The following GTF3C1 variants were observed in gnomAD, a reference collection of about 807,000 sequenced individuals.
The protein encoded by GTF3C1 is general transcription factor IIIC subunit 1, also known as general transcription factor 3C polypeptide 1.
A neutral mutation model predicts 226.7 loss-of-function variants in GTF3C1; 57 were observed. That is an observed-to-expected ratio of 0.25 (90% CI 0.20 to 0.31). The LOEUF is 0.31. Ranked by LOEUF, GTF3C1 falls within the 10% of genes least tolerant of loss-of-function variation. GTF3C1 has a pLI of 1.00. For synonymous variants in GTF3C1, 1,090 were observed against 1,084.8 expected, an observed-to-expected ratio of 1.00 and a Z score of -0.09; for missense variants, 2,217 against 2,776.1, an observed-to-expected ratio of 0.80 and a Z score of 4.53.
intron 12 of GTF3C1, among the ~76,000 whole-genome samples, chr16:27,499,329 T>C (rs957810373): frequency 2.0e-5 from 3 of 152,158 alleles, no homozygotes; most frequent in Admixed American, 1.3e-4. Context: ...AAAAACAGAC[T>C]GTGTGGAAGG....
intron 7 of GTF3C1, among the ~76,000 whole-genome samples, chr16:27,510,916 T>G (rs373948278): frequency 1.3e-5 from 2 of 152,254 alleles, no homozygotes; most frequent in East Asian, 3.8e-4. Context: ...CTTTGAATAA[T>G]AATAGTAATA....
At chr16:27,491,927 C>G (rs1226924629) in intron 19 of GTF3C1, among the ~76,000 whole-genome samples, 1 of 152,140 alleles carries the variant, frequency 6.6e-6, no homozygotes, top group Non-Finnish European at 1.5e-5. Flanking sequence ...GAATAAACAC[C>G]ACCCCAACCA....
chr16:27,495,488 G>T lies in GTF3C1; in HGVS notation c.2355C>A (p.Pro785=). 6.2e-7 allele frequency: 1 copy of T among 1,612,154 alleles called. No homozygotes were observed. The part of the protein sequence containing the change: ...PLRNYHPIVV[P]GLGRSLGFLP... The stretch of plus-strand genomic sequence containing the variant: ...GAAATCCTAGAGAACGCCCCAGTCC[G>T]GGAACTAAAGCAAGAGAGGGAGAGG... The change falls in exon 15 of 37, where the codon CCC becomes CCA. Residue 785 remains proline, a synonymous_variant. Coordinates refer to ENST00000356183, the MANE Select transcript of GTF3C1 (RefSeq NM_001520.4).
At position 27,465,265 on chromosome 16, in the gene GTF3C1, T is replaced by C; in HGVS notation, c.5350A>G (p.Ile1784Val). The change falls in exon 33 of 37, where the codon ATC (isoleucine) becomes GTC (valine). Residue 1784 changes from isoleucine (I) to valine (V), a missense_variant. This residue lies in a region of GTF3C1 where 455 missense variants were observed against 441.9 expected (regional missense o/e 1.03). Transcript: ENST00000356183. ...GGRTRTFADC[I>V]QALLEQHQVL... ...TAACCTAAAGCACAGCTCACCTGGATGCAATCTGCGAATGTCCTGGTGCGC... is the reference window on the plus strand; with the variant it reads ...TAACCTAAAGCACAGCTCACCTGGACGCAATCTGCGAATGTCCTGGTGCGC... The C allele has an allele frequency of 6.2e-7, 1 of 1,614,044 alleles. No homozygotes were observed. The highest frequency in any genetic ancestry group is 1.1e-5 in the South Asian group (1 of 91,084).
intron 29 of GTF3C1, among the ~76,000 whole-genome samples, chr16:27,472,142 C>T (rs561934875): frequency 3.3e-5 from 5 of 152,206 alleles, no homozygotes; most frequent in Admixed American, 6.5e-5. Flanking sequence ...CGGACCACCA[C>T]GTCACACTTC....
intron 32 of GTF3C1, among the ~76,000 whole-genome samples, chr16:27,468,181 A>G (rs1233144437): frequency 6.6e-6 from 1 of 152,234 alleles, no homozygotes; most frequent in East Asian, 1.9e-4. Context: ...AACTGCTGCA[A>G]TCTCAGGATC....
Position 27,484,433 on chromosome 16 carries a change from C to G in GTF3C1, c.3859-80G>C, listed in dbSNP as rs2088104110. ...TGGGGAATTACCATAAAAAAGTGGA[C>G]AAAATGTGTTTTGTGCAGCCTCCTT... On this transcript the variant is annotated intron_variant, in intron 24 of 36. Transcript: ENST00000356183. 5.9e-6 allele frequency: 6 copies of G among 1,017,006 alleles called. No homozygotes were observed. The Admixed American group carries it at 9.1e-5, about 15-fold the overall frequency. The allele number at this position is 1,017,006 out of a possible 1,614,324, so 63.0% of individuals were successfully genotyped here.
intron 14 of GTF3C1, 146 bp from the exon 15 acceptor site, chr16:27,495,638 T>A: frequency 1.4e-6 from 1 of 726,438 alleles, no homozygotes. Context: ...TACTTTCTAA[T>A]GGGCAAGAAC....
intron 6 of GTF3C1, among the ~76,000 whole-genome samples, chr16:27,527,531 T>C (rs1192107211): frequency 2.6e-5 from 4 of 152,194 alleles, no homozygotes; most frequent in South Asian, 2.1e-4. Context: ...GTTAACTTTC[T>C]TAGAAGGCTC....
chr16:27,465,607 G>T (rs1487648776), intron 32 of GTF3C1, 67 bp from the exon 33 acceptor site: 2 of 1,271,914 alleles, frequency 1.6e-6, no homozygotes, highest in Non-Finnish European at 1.1e-6. Context: ...CCAATGCACA[G>T]GCCACACCCA....
At position 27,462,162 on chromosome 16, in the gene GTF3C1, C is replaced by A. The variant is rs1744979490; in HGVS notation, c.6117+132G>T. The A allele has an allele frequency of 1.5e-6, 1 of 648,574 alleles. No homozygotes were observed. Among genetic ancestry groups the A allele is most frequent in the Non-Finnish European group, 2.7e-6 (1 of 370,770 alleles). The allele number at this position is 648,574 out of a possible 1,614,324, so 40.2% of individuals were successfully genotyped here. On this transcript the variant is annotated intron_variant, in intron 36 of 36. Coordinates refer to ENST00000356183, the MANE Select transcript of GTF3C1 (RefSeq NM_001520.4). The surrounding 1 kb of genome is among the most constrained non-coding windows in gnomAD (Gnocchi z 4.5). ...CAGCCTGAGAGGCAGGAGCCCAGGACAAGCTGGGGGAGGAGGTGCAGGCAA... is the reference window on the plus strand; with the variant it reads ...CAGCCTGAGAGGCAGGAGCCCAGGAAAAGCTGGGGGAGGAGGTGCAGGCAA...
intron 19 of GTF3C1, 131 bp from the exon 20 acceptor site, chr16:27,489,874 T>C: frequency 1.2e-6 from 1 of 804,560 alleles, no homozygotes; most frequent in Non-Finnish European, 2.0e-6. Flanking sequence ...ACTGCGGGGG[T>C]CTGAGATTGG....
At chr16:27,548,028 C>T (rs1336890660) in intron 1 of GTF3C1, among the ~76,000 whole-genome samples, 1 of 152,144 alleles carries the variant, frequency 6.6e-6, no homozygotes, top group African/African-American at 2.4e-5. Context: ...TGCCACTTGA[C>T]CCCTCAGGGC....
In GTF3C1 at chr16:27,492,594, C is replaced by T. The variant is rs1288588285; in HGVS notation, c.2973+23G>A. ...ACCGTTTAACAATCAGAATTTCCTT[C>T]GTTTGGGCTTGAGGGACATTACCTG... On this transcript the variant is annotated intron_variant, in intron 18 of 36. Coordinates refer to ENST00000356183, the MANE Select transcript of GTF3C1 (RefSeq NM_001520.4). This position sits in a 1 kb window ranked among gnomAD's most constrained non-coding sequence, Gnocchi z 5.0. 3.2e-6 allele frequency: 5 copies of T among 1,558,286 alleles called. No individual in the cohort carries two copies. The South Asian group carries it at 3.3e-5, about 10-fold the overall frequency.
chr16:27,509,570 A>G (rs1021019028), intron 7 of GTF3C1, among the ~76,000 whole-genome samples: 2 of 151,792 alleles, frequency 1.3e-5, no homozygotes, highest in African/African-American at 2.4e-5. Context: ...ATCCTGGCTA[A>G]CACAGTGAAA....
Position 27,481,081 on chromosome 16 carries a change from G to T in GTF3C1, c.4194C>A (p.Ala1398=). 6.2e-7 allele frequency: 1 copy of T among 1,613,584 alleles called. No individual in the cohort carries two copies. The highest frequency in any genetic ancestry group is 8.5e-7 in the Non-Finnish European group (1 of 1,179,474). Residue 1398 remains alanine (A), a splice_region_variant and synonymous_variant, in exon 27 of 37, where the codon GCC becomes GCA. Transcript: ENST00000356183. ...GAACCATCCCAGAAACGGCTTACCT[G>T]GCGAACAGCTCCTGGAGTGTGTCTG... ...EIPDTLQELF[A]RYRVLAIGDE... is the part of the protein sequence containing the mutation.
rs1437176754 is a variant in GTF3C1 at position 27,476,469 on chromosome 16, C to T, written c.4335G>A (p.Lys1445=). 6.2e-7 allele frequency: 1 copy of T among 1,611,344 alleles called. No individual in the cohort carries two copies. The highest frequency in any genetic ancestry group is 1.1e-5 in the South Asian group (1 of 91,006). ...CACCCACCTGGAATGACTGGTAGGA[C>T]TTCATCTGACTGTCTGAGAGGGCCA... ...STLALSDSQM[K]SYQSFQTFRL... Residue 1445 remains lysine (K), a synonymous_variant, in exon 29 of 37, where the codon AAG becomes AAA. Transcript: ENST00000356183.
chr16:27,490,275 G>A (rs2141377162), intron 19 of GTF3C1, among the ~76,000 whole-genome samples: 1 of 152,352 alleles, frequency 6.6e-6, no homozygotes, highest in Non-Finnish European at 1.5e-5. Flanking sequence ...ATGGAGTTGA[G>A]AAATGATATC....
intron 26 of GTF3C1, 82 bp from the exon 27 acceptor site, chr16:27,481,273 G>T: frequency 8.4e-7 from 1 of 1,183,568 alleles, no homozygotes; most frequent in Admixed American, 1.7e-5. Flanking sequence ...GGAATATCTT[G>T]TAACAAACTC....
Sources: allele counts gnomAD v4.1 joint callset (sites outside exome capture counted in the v4.1 genomes callset), GRCh38; gene constraint gnomAD v4.1.1; regional missense constraint gnomAD v4.1.1; non-coding constraint Gnocchi (gnomAD v3.1); transcripts MANE v1.5; gene names NCBI Gene and HGNC (gene_info 2026-07-23, HGNC 2026-07-21).